TRABD2B: variants seen among roughly 807,000 people sequenced by gnomAD.
TRABD2B encodes TraB domain containing 2B.
TRABD2B carries 14 observed loss-of-function variants against 40.1 expected under a neutral mutation model. That is an observed-to-expected ratio of 0.35 (90% CI 0.23 to 0.55). The LOEUF (loss-of-function observed/expected upper bound fraction) is 0.55. Ranked by LOEUF, TRABD2B falls within the 20% of genes least tolerant of loss-of-function variation. The pLI is 0.90. For synonymous variants in TRABD2B, 263 were observed against 277.0 expected (o/e 0.95, Z 0.50); for missense variants, 541 against 648.6 (o/e 0.83, Z 1.80).
Position 47,760,784 on chromosome 1 carries a change from T to TGGCTTCCTCTGTTCTG in TRABD2B, c.*5102_*5117dup, listed in dbSNP as rs1553147164. 6.6e-6 allele frequency: 1 copy of TGGCTTCCTCTGTTCTG among 152,196 alleles called. No homozygotes were observed. Among genetic ancestry groups the TGGCTTCCTCTGTTCTG allele is most frequent in the African/African-American group, 2.4e-5 (1 of 41,464 alleles). 9.4% of individuals were successfully genotyped at this position (152,196 alleles called of 1,614,324 possible). ...AGGCTCAAGAATGGGGCAGGGGCTC[T>TGGCTTCCTCTGTTCTG]GGCTTCCTCTGTTCTGGGCTAGAGC... On this transcript the variant is annotated 3_prime_UTR_variant, in exon 7 of 7. Transcript: ENST00000606738.
chr1:47,764,905 T>G lies in TRABD2B; in HGVS notation c.*997A>C, dbSNP rs548534834. On this transcript the variant is annotated 3_prime_UTR_variant, in exon 7 of 7. Transcript: ENST00000606738. The stretch of plus-strand genomic sequence containing the variant: ...ACATCTCACAGAACTAGCGCAAGAA[T>G]CAGTGAAGCAAGTGTGCAAAGTGCT... The G allele has an allele frequency of 1.6e-4, 24 of 152,304 alleles. No homozygotes were observed. The highest frequency in any genetic ancestry group is 1.5e-3 in the Admixed American group (23 of 15,300). 9.4% of individuals were successfully genotyped at this position (152,304 alleles called of 1,614,324 possible).
At chr1:47,938,084 C>T (rs530347538) in intron 2 of TRABD2B, among the ~76,000 whole-genome samples, 25 of 152,312 alleles carry the variant, frequency 1.6e-4, no homozygotes, top group African/African-American at 5.1e-4. Flanking sequence ...ACCAAACTTC[C>T]GGCACAGGCC....
intron 2 of TRABD2B, among the ~76,000 whole-genome samples, chr1:47,838,895 C>T (rs574324748): frequency 9.8e-5 from 15 of 152,290 alleles, no homozygotes; most frequent in South Asian, 2.1e-4. Context: ...TGAGACGAAA[C>T]GGGAGAGATG....
chr1:47,829,032 T>C (rs1270551226), intron 2 of TRABD2B, among the ~76,000 whole-genome samples: 1 of 152,008 alleles, frequency 6.6e-6, no homozygotes, highest in Non-Finnish European at 1.5e-5. Flanking sequence ...CCTGAGCCTG[T>C]GATGTGGGGA....
intron 2 of TRABD2B, among the ~76,000 whole-genome samples, chr1:47,885,890 T>C (rs1644364640): frequency 1.3e-5 from 2 of 152,246 alleles, no homozygotes; most frequent in Non-Finnish European, 2.9e-5. Context: ...CATGCTCCGT[T>C]ACCAAATGCT....
chr1:47,837,640 G>A (rs997842591), intron 2 of TRABD2B, among the ~76,000 whole-genome samples: 1 of 152,234 alleles, frequency 6.6e-6, no homozygotes, highest in Non-Finnish European at 1.5e-5. Flanking sequence ...AGAGAGAGAC[G>A]AACCGGGCTT....
At chr1:47,951,635 T>G (rs925078176) in intron 2 of TRABD2B, among the ~76,000 whole-genome samples, 1 of 152,000 alleles carries the variant, frequency 6.6e-6, no homozygotes, top group Non-Finnish European at 1.5e-5. Context: ...ATACCCAAGG[T>G]AGAGAGGGTG....
At chr1:47,872,160 T>C (rs1644150914) in intron 2 of TRABD2B, among the ~76,000 whole-genome samples, 1 of 152,178 alleles carries the variant, frequency 6.6e-6, no homozygotes, top group South Asian at 2.1e-4. Context: ...CCATCCTCTC[T>C]GGGGACCCTA....
intron 4 of TRABD2B, among the ~76,000 whole-genome samples, chr1:47,785,297 G>A (rs2124148354): frequency 1.3e-5 from 2 of 152,300 alleles, no homozygotes; most frequent in Admixed American, 1.3e-4. Flanking sequence ...GGAAGTGAGT[G>A]CTCCACCCTG....
chr1:47,955,986 G>C (rs1168392092), intron 2 of TRABD2B, among the ~76,000 whole-genome samples: 1 of 152,232 alleles, frequency 6.6e-6, no homozygotes, highest in Non-Finnish European at 1.5e-5. Context: ...GGCCTACCTA[G>C]TTGGCTTCTG....
chr1:47,929,720 G>C (rs376226087), intron 2 of TRABD2B, among the ~76,000 whole-genome samples: 10 of 152,252 alleles, frequency 6.6e-5, no homozygotes, highest in African/African-American at 2.4e-4. Context: ...GTGCTCATGC[G>C]CATTTGCTGG....
At chr1:47,900,919 G>C (rs1644592165) in intron 2 of TRABD2B, among the ~76,000 whole-genome samples, 1 of 152,154 alleles carries the variant, frequency 6.6e-6, no homozygotes, top group Admixed American at 6.5e-5. Context: ...AAAGGGCTGG[G>C]AGTGGGCACC....
chr1:47,966,766 G>A lies in TRABD2B; in HGVS notation c.666+27268C>T, dbSNP rs545416402. Reference sequence around the variant, plus strand: ...CTGAAAATATAAAAATTAGCCAGGTGTGGTGGCGCACACTTGTAATCCTAG... The same window carrying A: ...CTGAAAATATAAAAATTAGCCAGGTATGGTGGCGCACACTTGTAATCCTAG... On this transcript the variant is annotated intron_variant, in intron 2 of 6. Coordinates refer to ENST00000606738, the MANE Select transcript of TRABD2B (RefSeq NM_001194986.2). 1.6e-3 allele frequency among the ~76,000 whole-genome samples: 247 copies of A among 152,032 alleles called. 1 individual carries two copies. The highest frequency in any genetic ancestry group is 5.4e-3 in the African/African-American group (225 of 41,440).
chr1:47,768,555 T>G (rs1029741779), intron 6 of TRABD2B, among the ~76,000 whole-genome samples: 1 of 152,126 alleles, frequency 6.6e-6, no homozygotes, highest in African/African-American at 2.4e-5. Flanking sequence ...GCTTCTTTGA[T>G]CTGCCTTCCA....
At chr1:47,800,693 G>A (rs550078499) in intron 3 of TRABD2B, among the ~76,000 whole-genome samples, 58 of 152,324 alleles carry the variant, frequency 3.8e-4, no homozygotes, top group Middle Eastern at 3.4e-3. Flanking sequence ...CAAGGCCCTA[G>A]AGGTGCCTGG....
intron 2 of TRABD2B, among the ~76,000 whole-genome samples, chr1:47,937,459 T>TCAC (rs1385159417): frequency 6.6e-6 from 1 of 151,930 alleles, no homozygotes; most frequent in Non-Finnish European, 1.5e-5. Flanking sequence ...ATCACCATCA[T>TCAC]CACCACCACT....
intron 2 of TRABD2B, among the ~76,000 whole-genome samples, chr1:47,863,179 A>G (rs1013415856): frequency 2.6e-5 from 4 of 151,784 alleles, no homozygotes; most frequent in Non-Finnish European, 5.9e-5. Flanking sequence ...ATAGGACACC[A>G]AAGCATGATC....
chr1:47,918,374 C>T (rs115654267), intron 2 of TRABD2B, among the ~76,000 whole-genome samples: 2,053 of 152,288 alleles, frequency 0.013, 22 homozygotes, highest in Admixed American at 0.024. Context: ...AATGGTGACA[C>T]AGAGAATGTG....
At position 47,765,207 on chromosome 1, in the gene TRABD2B, G is replaced by A. The variant is rs1368737117; in HGVS notation, c.*695C>T. 1.3e-5 allele frequency: 2 copies of A among 152,312 alleles called. No individual in the cohort carries two copies. Among genetic ancestry groups the A allele is most frequent in the African/African-American group, 4.8e-5 (2 of 41,414 alleles). 9.4% of individuals were successfully genotyped at this position (152,312 alleles called of 1,614,324 possible). A position where few individuals can be genotyped will look rare whatever the true frequency, so the allele number is the denominator to read the frequency against. The stretch of plus-strand genomic sequence containing the variant: ...TCTCTGGATCTCAGTTTATTCATTT[G>A]TTCTGTGGGGTGGGGACTGCTTTCC... On this transcript the variant is annotated 3_prime_UTR_variant, in exon 7 of 7. Coordinates refer to ENST00000606738, the MANE Select transcript of TRABD2B (RefSeq NM_001194986.2).
Sources: allele counts gnomAD v4.1 joint callset (sites outside exome capture counted in the v4.1 genomes callset), GRCh38; gene constraint gnomAD v4.1.1; transcripts MANE v1.5; gene names NCBI Gene and HGNC (gene_info 2026-07-23, HGNC 2026-07-21).